The following HSD17B11 variants were observed in gnomAD, a reference collection of about 807,000 sequenced individuals.
The protein encoded by HSD17B11 is estradiol 17-beta-dehydrogenase 11.
Under a neutral mutation model 27.8 loss-of-function variants are expected in HSD17B11, and 22 were observed. The ratio of observed to expected loss-of-function variants is 0.79; its 90% CI spans 0.56 to 1.13. HSD17B11 has a LOEUF of 1.13. Ranked by LOEUF, HSD17B11 falls within the 50% of genes most tolerant of loss-of-function variation. HSD17B11 has a pLI of 0.00. For missense variants in HSD17B11, 314 were observed against 351.1 expected, an observed-to-expected ratio of 0.89 and a Z score of 0.84; for synonymous variants, 117 against 132.8, an observed-to-expected ratio of 0.88 and a Z score of 0.82.
intron 4 of HSD17B11, among the ~76,000 whole-genome samples, chr4:87,369,735 C>G (rs971521514): frequency 1.1e-4 from 17 of 152,074 alleles, no homozygotes; most frequent in Admixed American, 6.6e-5. Context: ...CATGCCTGGC[C>G]CCAGATTTTT....
chr4:87,354,901 C>T (rs1025474885), intron 5 of HSD17B11, among the ~76,000 whole-genome samples: 2 of 133,368 alleles, frequency 1.5e-5, no homozygotes, highest in Non-Finnish European at 3.1e-5. Flanking sequence ...GAGAATTGCT[C>T]AAGGCCAATT....
chr4:87,370,997 C>T (rs575297588), intron 4 of HSD17B11, among the ~76,000 whole-genome samples: 6,412 of 101,846 alleles, frequency 0.063, 83 homozygotes, highest in African/African-American at 0.12. Context: ...CGTGATCCGC[C>T]CGCCTCGGCC....
intron 1 of HSD17B11, among the ~76,000 whole-genome samples, chr4:87,388,779 G>A (rs1188041618): frequency 6.6e-6 from 1 of 152,178 alleles, no homozygotes; most frequent in African/African-American, 2.4e-5. Context: ...ACAGATAATA[G>A]GTGCTCAATA....
chr4:87,383,302 G>T (rs1297379852), intron 1 of HSD17B11, among the ~76,000 whole-genome samples: 3 of 152,144 alleles, frequency 2.0e-5, no homozygotes, highest in Admixed American at 6.6e-5. Context: ...ATAGTGTCAG[G>T]TTTATGTGTC....
chr4:87,372,898 T>C (rs997727594), intron 3 of HSD17B11, 83 bp from the exon 4 acceptor site: 3 of 850,624 alleles, frequency 3.5e-6, no homozygotes, highest in Non-Finnish European at 5.7e-6. Context: ...AACAAAAGTA[T>C]ATTTTTTAAC....
intron 1 of HSD17B11, among the ~76,000 whole-genome samples, chr4:87,386,082 A>G (rs1371166993): frequency 6.6e-6 from 1 of 151,906 alleles, no homozygotes; most frequent in Non-Finnish European, 1.5e-5. Context: ...GCAACTAACC[A>G]CCACTCCACT....
intron 4 of HSD17B11, among the ~76,000 whole-genome samples, chr4:87,358,738 G>A (rs545720370): frequency 1.8e-4 from 27 of 151,908 alleles, no homozygotes; most frequent in Non-Finnish European, 3.5e-4. Context: ...TATACATTCT[G>A]GCCAGTTAAT....
chr4:87,353,763 C>T (rs1735329452), intron 5 of HSD17B11, among the ~76,000 whole-genome samples: 1 of 152,154 alleles, frequency 6.6e-6, no homozygotes, highest in Non-Finnish European at 1.5e-5. Context: ...TCAATTATAA[C>T]TTTTGAAAAT....
chr4:87,383,556 T>C (rs905809916), intron 1 of HSD17B11, among the ~76,000 whole-genome samples: 5 of 152,264 alleles, frequency 3.3e-5, no homozygotes, highest in Admixed American at 1.3e-4. Context: ...ACATCTTTGC[T>C]TTCTAGTTTT....
intron 2 of HSD17B11, among the ~76,000 whole-genome samples, chr4:87,375,419 T>A (rs926826120): frequency 3.3e-5 from 5 of 152,200 alleles, no homozygotes; most frequent in East Asian, 1.9e-4. Context: ...GCATTTTTTT[T>A]AAAACATTAC....
rs1735065036 is a variant in HSD17B11, at chr4:87,336,757, A to G, written c.*519T>C. On this transcript the variant is annotated 3_prime_UTR_variant, in exon 7 of 7. Transcript: ENST00000358290. ...AATGTTTGGCATTGGAATGTGAGGT[A>G]TCTCTCAGGAAACAGAGTGGCAATG... The G allele has an allele frequency of 6.5e-6, 1 of 153,992 alleles. No individual in the cohort carries two copies. Among genetic ancestry groups the G allele is most frequent in the Admixed American group, 6.5e-5 (1 of 15,290 alleles). The allele number at this position is 153,992 out of a possible 1,614,324, so 9.5% of individuals were successfully genotyped here.
intron 1 of HSD17B11, among the ~76,000 whole-genome samples, chr4:87,390,064 AC>A (rs917086935): frequency 6.6e-6 from 1 of 151,898 alleles, no homozygotes; most frequent in African/African-American, 2.4e-5. Flanking sequence ...GGCTCAAGCA[AC>A]CCCCCACCTC....
chr4:87,366,227 G>T (rs1006596985), intron 4 of HSD17B11, among the ~76,000 whole-genome samples: 4 of 152,050 alleles, frequency 2.6e-5, no homozygotes, highest in South Asian at 2.1e-4. Context: ...AGTTAAAGGG[G>T]TATTATTCAG....
intron 1 of HSD17B11, among the ~76,000 whole-genome samples, chr4:87,389,997 T>C (rs1720414671): frequency 6.6e-6 from 1 of 152,198 alleles, no homozygotes; most frequent in Non-Finnish European, 1.5e-5. Context: ...TCTCACTCTG[T>C]CACCCAGGCT....
chr4:87,376,613 T>C (rs1735831684), intron 2 of HSD17B11, among the ~76,000 whole-genome samples: 1 of 151,662 alleles, frequency 6.6e-6, no homozygotes, highest in South Asian at 2.1e-4. Flanking sequence ...TATATATGCA[T>C]GGTATGTGTG....
intron 5 of HSD17B11, among the ~76,000 whole-genome samples, chr4:87,346,886 T>C: frequency 6.6e-6 from 1 of 151,642 alleles, no homozygotes; most frequent in East Asian, 1.9e-4. Flanking sequence ...TATATATATG[T>C]ATATTTTTAA....
chr4:87,353,586 CTT>C (rs1466500223), intron 5 of HSD17B11, among the ~76,000 whole-genome samples: 1 of 152,174 alleles, frequency 6.6e-6, no homozygotes, highest in Non-Finnish European at 1.5e-5. Flanking sequence ...ATCTTAGCCT[CTT>C]TTCACACTTT....
At chr4:87,363,653 C>A (rs1226783365) in intron 4 of HSD17B11, among the ~76,000 whole-genome samples, 4 of 152,174 alleles carry the variant, frequency 2.6e-5, no homozygotes, top group Non-Finnish European at 5.9e-5. Flanking sequence ...CATGTCATAG[C>A]CAGCTCTGAA....
intron 1 of HSD17B11, among the ~76,000 whole-genome samples, chr4:87,390,077 G>A (rs1168845466): frequency 6.6e-6 from 1 of 152,064 alleles, no homozygotes; most frequent in Non-Finnish European, 1.5e-5. Flanking sequence ...CCCCACCTCA[G>A]CCTCCCGGAA....
Sources: gnomAD v4.1 joint callset for allele counts (sites outside exome capture counted in the v4.1 genomes callset) on GRCh38, gnomAD v4.1.1 for gene constraint, MANE v1.5 for transcripts, NCBI Gene and HGNC (gene_info 2026-07-23, HGNC 2026-07-21) for gene names.